RBM20: variants seen among roughly 807,000 people sequenced by gnomAD.
RBM20 encodes RNA binding motif protein 20, also known as RNA-binding protein 20.
A neutral mutation model predicts 110.1 loss-of-function variants in RBM20; 51 were observed. The ratio of observed to expected loss-of-function variants is 0.46; its 90% CI spans 0.37 to 0.59. RBM20 has a LOEUF of 0.59. RBM20 is among the 20% of genes least tolerant of loss of function. RBM20 has a pLI of 0.00. For missense variants in RBM20, 1,512 were observed against 1,574.9 expected (o/e 0.96, Z 0.68); for synonymous variants, 589 against 618.2 (o/e 0.95, Z 0.70).
At chr10:110,697,846 C>T (rs1319065175) in intron 1 of RBM20, among the ~76,000 whole-genome samples, 6 of 152,158 alleles carry the variant, frequency 3.9e-5, no homozygotes, top group Admixed American at 1.3e-4. Context: ...ACACCACAAT[C>T]CCATCAATTC....
intron 1 of RBM20, among the ~76,000 whole-genome samples, chr10:110,687,892 G>A (rs1023122076): frequency 2.6e-5 from 4 of 152,036 alleles, no homozygotes; most frequent in Admixed American, 2.6e-4. Context: ...CTCATTGAAT[G>A]TTTACTCTTC....
chr10:110,819,742 G>A (rs1844884414), intron 9 of RBM20, among the ~76,000 whole-genome samples: 1 of 152,178 alleles, frequency 6.6e-6, no homozygotes, highest in Non-Finnish European at 1.5e-5. Context: ...GTCAGTTCAA[G>A]TTTTGTTGCT....
chr10:110,821,879 GC>G lies in RBM20; in HGVS notation c.3267del (p.Ile1090SerfsTer14), dbSNP rs760334885. 23 of 1,551,504 alleles carry G rather than the reference GC, an allele frequency of 1.5e-5. No individual in the cohort carries two copies. The highest frequency in any genetic ancestry group is 1.9e-5 in the Non-Finnish European group (22 of 1,146,994). On this transcript the variant is annotated frameshift_variant, in exon 11 of 14. Coordinates refer to ENST00000369519, the MANE Select transcript of RBM20 (RefSeq NM_001134363.3). LOFTEE classifies it high-confidence loss of function. The stretch of plus-strand genomic sequence containing the variant: ...GGCAGCCCCCTGGAGGAGAAAGCCA[GC>G]CCCCCCATCGAAACTGACCTCCAAA... ...CEGSPLEEKA[S>X]PPIETDLQNQ... is the part of the protein sequence containing the mutation.
In RBM20 at chr10:110,812,661, G is replaced by A. The variant is rs986602724; in HGVS notation, c.2264G>A (p.Arg755His). Residue 755 changes from arginine (R) to histidine (H), a missense_variant, in exon 9 of 14, where the codon CGT (arginine) becomes CAT (histidine). Physicochemically the swap from Arg to His is conservative, Grantham distance 29. Coordinates refer to ENST00000369519, the MANE Select transcript of RBM20 (RefSeq NM_001134363.3). ...CACTCTGTGTCCAGCTACAAAAGCC[G>A]TGAAGACGGCTACTACCGGAAAGAG... ...LPHSVSSYKS[R>H]EDGYYRKEPK... 5.5e-5 allele frequency: 85 copies of A among 1,551,740 alleles called. No homozygotes were observed. In the East Asian group the frequency reaches 1.1e-3, roughly 21 times the overall value.
chr10:110,710,762 G>A (rs1052026415), intron 1 of RBM20, among the ~76,000 whole-genome samples: 1 of 152,230 alleles, frequency 6.6e-6, no homozygotes, highest in African/African-American at 2.4e-5. Flanking sequence ...ACAGCTGCCT[G>A]CCCTGGGCTC....
At chr10:110,807,000 C>T (rs1379546938) in intron 7 of RBM20, among the ~76,000 whole-genome samples, 2 of 152,210 alleles carry the variant, frequency 1.3e-5, no homozygotes, top group African/African-American at 4.8e-5. Context: ...GTCCAGAGAG[C>T]ACCAAACAAT....
chr10:110,645,283 G>A (rs1199298010), intron 1 of RBM20, among the ~76,000 whole-genome samples: 2 of 151,554 alleles, frequency 1.3e-5, no homozygotes, highest in African/African-American at 4.9e-5. Flanking sequence ...GAAGGTTGGG[G>A]GTGGTTAATA....
At chr10:110,792,165 ATCTATC>A (rs879588195) in intron 5 of RBM20, among the ~76,000 whole-genome samples, 2,650 of 151,656 alleles carry the variant, frequency 0.017, 77 homozygotes, top group African/African-American at 0.061. Flanking sequence ...CTATCTATCT[ATCTATC>A]TATCTATCTA....
chr10:110,803,185 G>C (rs1212742231), intron 7 of RBM20, among the ~76,000 whole-genome samples: 1 of 152,164 alleles, frequency 6.6e-6, no homozygotes, highest in Non-Finnish European at 1.5e-5. Flanking sequence ...TATTATCTCA[G>C]TTTTACAGAT....
chr10:110,698,252 T>C (rs1564818537), intron 1 of RBM20, among the ~76,000 whole-genome samples: 1 of 151,970 alleles, frequency 6.6e-6, no homozygotes. Flanking sequence ...GGCAAAGACT[T>C]CCCCTATACT....
chr10:110,646,230 T>G (rs11195250), intron 1 of RBM20, among the ~76,000 whole-genome samples: 28,510 of 152,218 alleles, frequency 0.19, 3,641 homozygotes, highest in African/African-American at 0.35. Flanking sequence ...AACTGGGAAC[T>G]TTATATTCAC....
rs538536284 is a variant in RBM20 at position 110,810,156 on chromosome 10, C to T, written c.1801-227C>T. ...CATGGATGTGAACACCAGGCTCCTT[C>T]CTTCCCCAGCTCAATGGACCACTCA... On this transcript the variant is annotated intron_variant, in intron 7 of 13. Coordinates refer to ENST00000369519, the MANE Select transcript of RBM20 (RefSeq NM_001134363.3). 4.6e-5 allele frequency among the ~76,000 whole-genome samples: 7 copies of T among 152,310 alleles called. No homozygotes were observed. In the South Asian group the frequency reaches 1.5e-3, roughly 32 times the overall value.
At position 110,835,893 on chromosome 10, in the gene RBM20, A is replaced by C. The variant is rs1378109764; in HGVS notation, c.3599A>C (p.Glu1200Ala). Residue 1200 changes from glutamate to alanine, a missense_variant, in exon 14 of 14, where the codon GAG becomes GCG. By Grantham distance (107) the Glu-to-Ala change is moderately radical (BLOSUM62 -1). Transcript: ENST00000369519. ...LQKYLSQLAE[E>A]GLKETEGADS... The stretch of plus-strand genomic sequence containing the variant: ...AAATATTTGTCCCAGCTGGCCGAGG[A>C]GGGCCTCAAGGAGACCGAGGGGGCA... The C allele has an allele frequency of 6.5e-7, 1 of 1,549,270 alleles. No individual in the cohort carries two copies. Among genetic ancestry groups the C allele is most frequent in the Non-Finnish European group, 8.7e-7 (1 of 1,145,146 alleles).
At chr10:110,782,313 T>A (rs956419122) in intron 2 of RBM20, among the ~76,000 whole-genome samples, 3 of 152,138 alleles carry the variant, frequency 2.0e-5, no homozygotes, top group Admixed American at 6.5e-5. Context: ...GGGAAACAGA[T>A]TAATTCCCCC....
At chr10:110,688,620 T>TA (rs900795918) in intron 1 of RBM20, among the ~76,000 whole-genome samples, 2 of 151,032 alleles carry the variant, frequency 1.3e-5, no homozygotes, top group Non-Finnish European at 3.0e-5. Context: ...ATCCTGCATT[T>TA]AAAAAAAAAG....
chr10:110,648,869 C>T (rs1861906260), intron 1 of RBM20, among the ~76,000 whole-genome samples: 1 of 152,030 alleles, frequency 6.6e-6, no homozygotes, highest in African/African-American at 2.4e-5. Flanking sequence ...GAATTTTTCT[C>T]AAATTGCCAA....
At chr10:110,667,477 C>T (rs192629124) in intron 1 of RBM20, among the ~76,000 whole-genome samples, 31 of 152,202 alleles carry the variant, frequency 2.0e-4, no homozygotes, top group Admixed American at 1.6e-3. Flanking sequence ...GATCCTGCCT[C>T]GGTGGGTGAA....
At chr10:110,734,605 A>G (rs1384545069) in intron 1 of RBM20, among the ~76,000 whole-genome samples, 2 of 145,926 alleles carry the variant, frequency 1.4e-5, no homozygotes, top group African/African-American at 5.2e-5. Flanking sequence ...TGGAACCAAT[A>G]TAAAAATTCC....
chr10:110,700,742 A>G (rs1458032622), intron 1 of RBM20, among the ~76,000 whole-genome samples: 2 of 152,184 alleles, frequency 1.3e-5, no homozygotes, highest in Non-Finnish European at 2.9e-5. Context: ...TGGGCCAGGC[A>G]CGGTGGCTCA....
Sources: gnomAD v4.1 joint callset for allele counts (sites outside exome capture counted in the v4.1 genomes callset) on GRCh38, gnomAD v4.1.1 for gene constraint, MANE v1.5 for transcripts, NCBI Gene and HGNC (gene_info 2026-07-23, HGNC 2026-07-21) for gene names.